Variants in PIBF1 observed in about 807,000 individuals in gnomAD.
The protein encoded by PIBF1 is progesterone-induced-blocking factor 1.
PIBF1 carries 90 observed loss-of-function variants against 112.5 expected under a neutral mutation model. That is an observed-to-expected ratio of 0.80 (90% CI 0.67 to 0.95). The LOEUF (loss-of-function observed/expected upper bound fraction) is 0.95. PIBF1 is among the 40% of genes least tolerant of loss of function. PIBF1 has a pLI of 0.00. For synonymous variants in PIBF1, 301 were observed against 288.6 expected, an observed-to-expected ratio of 1.04 and a Z score of -0.44; for missense variants, 915 against 852.3, an observed-to-expected ratio of 1.07 and a Z score of -0.92.
intron 14 of PIBF1, among the ~76,000 whole-genome samples, chr13:72,961,029 T>G (rs2042589860): frequency 6.6e-6 from 1 of 150,786 alleles, no homozygotes; most frequent in Admixed American, 6.6e-5. Flanking sequence ...ACTATTCATT[T>G]CCTTCTTTTT....
intron 16 of PIBF1, among the ~76,000 whole-genome samples, chr13:72,986,840 G>A (rs935109248): frequency 3.3e-5 from 5 of 152,014 alleles, no homozygotes; most frequent in South Asian, 4.1e-4. Context: ...ACAGGCGCCC[G>A]CCACCGCGCC....
intron 5 of PIBF1, among the ~76,000 whole-genome samples, chr13:72,798,402 A>G (rs753950991): frequency 7.2e-5 from 11 of 152,210 alleles, no homozygotes; most frequent in Non-Finnish European, 1.5e-4. Context: ...AAATTTAAGC[A>G]AGAAACAAGA....
intron 3 of PIBF1, among the ~76,000 whole-genome samples, chr13:72,793,031 A>T (rs527573766): frequency 6.6e-6 from 1 of 152,224 alleles, no homozygotes; most frequent in Non-Finnish European, 1.5e-5. Flanking sequence ...AAAAGGAACT[A>T]AAAAAATTAT....
intron 12 of PIBF1, among the ~76,000 whole-genome samples, chr13:72,911,302 A>G (rs1345667090): frequency 6.6e-6 from 1 of 152,228 alleles, no homozygotes; most frequent in African/African-American, 2.4e-5. Context: ...CAAATACAGC[A>G]ATGAAACAGA....
rs116655605 is a variant in PIBF1, at chr13:72,976,891, G to C, written c.2049+3216G>C. 7.0e-3 allele frequency among the ~76,000 whole-genome samples: 1,068 copies of C among 152,140 alleles called. 15 individuals are homozygous for C. Among genetic ancestry groups the C allele is most frequent in the African/African-American group, 0.025 (1,030 of 41,506 alleles). On this transcript the variant is annotated intron_variant, in intron 16 of 17. Transcript: ENST00000326291. Reference sequence around the variant, plus strand: ...TTTTTTGAAAATGAAAATCAGGGCTGGGACTAGGGTGAGGCAAGCAAGGCA... The same window carrying C: ...TTTTTTGAAAATGAAAATCAGGGCTCGGACTAGGGTGAGGCAAGCAAGGCA...
At chr13:72,814,299 A>C (rs1566304301) in intron 5 of PIBF1, among the ~76,000 whole-genome samples, 1 of 151,984 alleles carries the variant, frequency 6.6e-6, no homozygotes, top group Admixed American at 6.6e-5. Context: ...AGCCGGGCAT[A>C]GTGGCAGGCA....
chr13:72,857,664 C>T (rs1362378426), intron 10 of PIBF1, among the ~76,000 whole-genome samples: 4 of 152,126 alleles, frequency 2.6e-5, no homozygotes, highest in African/African-American at 9.7e-5. Flanking sequence ...TATGGCAAAA[C>T]CCTGTCTCTA....
At chr13:72,913,586 G>A (rs924915248) in intron 12 of PIBF1, among the ~76,000 whole-genome samples, 3 of 151,986 alleles carry the variant, frequency 2.0e-5, no homozygotes, top group Admixed American at 6.6e-5. Flanking sequence ...AAGGCCAGCC[G>A]GGGCAACCTG....
intron 14 of PIBF1, among the ~76,000 whole-genome samples, chr13:72,960,520 T>G (rs2042576212): frequency 6.6e-6 from 1 of 152,274 alleles, no homozygotes; most frequent in Admixed American, 6.5e-5. Context: ...TAATTGAGAC[T>G]GCTGCTGTTA....
intron 17 of PIBF1, among the ~76,000 whole-genome samples, chr13:73,006,428 A>G (rs2044036392): frequency 6.6e-6 from 1 of 152,200 alleles, no homozygotes; most frequent in African/African-American, 2.4e-5. Context: ...CATGGAACGA[A>G]GCTGACTGAT....
chr13:72,878,788 A>G (rs1594109382), intron 10 of PIBF1, among the ~76,000 whole-genome samples: 1 of 152,126 alleles, frequency 6.6e-6, no homozygotes, highest in East Asian at 1.9e-4. Context: ...GTATTTTGAC[A>G]TCTGTTCTTG....
At chr13:72,835,454 A>G (rs987186469) in intron 9 of PIBF1, 86 bp downstream of exon 9, 39 of 1,034,060 alleles carry the variant, frequency 3.8e-5, no homozygotes, top group South Asian at 1.1e-4. Context: ...TATTTATTAT[A>G]TAATGTCTTT....
rs1566458558 is a variant in PIBF1 at position 72,928,018 on chromosome 13, T to TATATATATAC, written c.1731-3140_1731-3139insTACATATATA. 3.9e-4 allele frequency among the ~76,000 whole-genome samples: 24 copies of TATATATATAC among 61,086 alleles called. 1 individual carries two copies. Among genetic ancestry groups the TATATATATAC allele is most frequent in the African/African-American group, 1.7e-3 (24 of 14,350 alleles). The allele number at this position is 61,086 out of a possible 152,430, so 40.1% of individuals were successfully genotyped here. ...ACACATATATATACATATATATACA[T>TATATATATAC]ATATATACATATATATATATATATA... On this transcript the variant is annotated intron_variant, in intron 13 of 17. Transcript: ENST00000326291.
chr13:72,785,668 C>G (rs965303550), intron 2 of PIBF1, among the ~76,000 whole-genome samples: 23 of 152,188 alleles, frequency 1.5e-4, no homozygotes, highest in Admixed American at 4.6e-4. Flanking sequence ...TTCCCTTACT[C>G]TTTTTGCATT....
At chr13:72,831,525 C>G (rs903515530) in intron 8 of PIBF1, among the ~76,000 whole-genome samples, 4 of 152,138 alleles carry the variant, frequency 2.6e-5, no homozygotes, top group Non-Finnish European at 5.9e-5. Flanking sequence ...GTTGTTTACC[C>G]AGTAGTCATT....
chr13:72,796,126 C>T (rs540899147), intron 4 of PIBF1, among the ~76,000 whole-genome samples: 1 of 152,260 alleles, frequency 6.6e-6, no homozygotes, highest in Non-Finnish European at 1.5e-5. Context: ...TTTAAACTAA[C>T]AACTTTTTTA....
At chr13:72,995,079 A>G (rs1212713472) in intron 16 of PIBF1, among the ~76,000 whole-genome samples, 1 of 151,976 alleles carries the variant, frequency 6.6e-6, no homozygotes, top group East Asian at 1.9e-4. Flanking sequence ...AGGTGGGTGA[A>G]TCATGAGGTC....
At chr13:72,965,073 C>CA (rs144709877) in intron 14 of PIBF1, among the ~76,000 whole-genome samples, 18,115 of 151,872 alleles carry the variant, frequency 0.12, 1,445 homozygotes, top group Non-Finnish European at 0.17. Flanking sequence ...AAAAAGAAAA[C>CA]AAAAAAAATT....
rs533993922 is a variant in PIBF1 at position 72,968,461 on chromosome 13, C to T, written c.1964+3057C>T. On this transcript the variant is annotated intron_variant, in intron 15 of 17. Transcript: ENST00000326291. Reference sequence around the variant, plus strand: ...GATAACAAGCACCCACCACCACAGCCGGCTAATTTTTGTGTTTTTAGTAAA... The same window carrying T: ...GATAACAAGCACCCACCACCACAGCTGGCTAATTTTTGTGTTTTTAGTAAA... 6.6e-5 allele frequency among the ~76,000 whole-genome samples: 10 copies of T among 151,474 alleles called. No individual in the cohort carries two copies. In the South Asian group the frequency reaches 1.0e-3, roughly 16 times the overall value.
Sources: allele counts gnomAD v4.1 joint callset (sites outside exome capture counted in the v4.1 genomes callset), GRCh38; gene constraint gnomAD v4.1.1; transcripts MANE v1.5; gene names NCBI Gene and HGNC (gene_info 2026-07-23, HGNC 2026-07-21).